CUL2: variants seen among roughly 807,000 people sequenced by gnomAD.
CUL2 encodes the protein cullin 2, also known as cullin-2.
In CUL2, 22 loss-of-function variants were observed where a neutral mutation model predicts 110.2. The ratio of observed to expected loss-of-function variants is 0.20; its 90% confidence interval spans 0.14 to 0.28. The LOEUF is 0.28. CUL2 is among the 10% of genes least tolerant of loss of function. The probability of loss-of-function intolerance (pLI) is 1.00; values close to 1 mark genes in which losing one functional copy is unlikely to be tolerated. For synonymous variants in CUL2, 279 were observed against 293.2 expected, an observed-to-expected ratio of 0.95 and a Z score of 0.49; for missense variants, 631 against 905.5, an observed-to-expected ratio of 0.70 and a Z score of 3.89.
intron 4 of CUL2, among the ~76,000 whole-genome samples, chr10:35,054,815 C>A (rs1047528728): frequency 6.6e-6 from 1 of 152,158 alleles, no homozygotes; most frequent in East Asian, 1.9e-4. Flanking sequence ...ACTTCCCAGA[C>A]TCTTCTTGGG....
rs141945227 is a variant in CUL2, at chr10:35,116,470, G to T, written c.-51+10135C>A. 2.5e-3 allele frequency among the ~76,000 whole-genome samples: 382 copies of T among 152,258 alleles called. 3 individuals are homozygous for T. The highest frequency in any genetic ancestry group is 8.9e-3 in the African/African-American group (370 of 41,532). On this transcript the variant is annotated intron_variant, in intron 1 of 5. Transcript: ENST00000685421. ...TAGTAAGAAATAGATAAGCTGAAAA[G>T]ATCTATATCTATTGTTTCTCTCTGA...
At chr10:35,077,107 T>C (rs2086838965) in intron 1 of CUL2, among the ~76,000 whole-genome samples, 1 of 152,274 alleles carries the variant, frequency 6.6e-6, no homozygotes, top group Non-Finnish European at 1.5e-5. Flanking sequence ...CAAGTGTCTA[T>C]CAACTGATAA....
chr10:35,113,433 G>A (rs1247707132), intron 1 of CUL2, among the ~76,000 whole-genome samples: 1 of 139,816 alleles, frequency 7.2e-6, no homozygotes, highest in Non-Finnish European at 1.5e-5. Context: ...GGGAGGTGGA[G>A]GTTGCAGTGA....
At chr10:35,076,812 G>A (rs987579277) in intron 1 of CUL2, among the ~76,000 whole-genome samples, 1 of 152,100 alleles carries the variant, frequency 6.6e-6, no homozygotes, top group African/African-American at 2.4e-5. Context: ...CACTTCGGGA[G>A]GCCAAGGTGG....
upstream of CUL2, among the ~76,000 whole-genome samples, chr10:35,092,490 T>C (rs2135089336): frequency 6.6e-6 from 1 of 152,364 alleles, no homozygotes; most frequent in South Asian, 2.1e-4. Flanking sequence ...TACAAGTCTT[T>C]CTAATACTCT....
chr10:35,015,311 A>G (rs911156482), intron 18 of CUL2, among the ~76,000 whole-genome samples: 4 of 150,834 alleles, frequency 2.7e-5, no homozygotes, highest in Admixed American at 2.6e-4. Flanking sequence ...AAAAAAAAAA[A>G]TCCATATTTT....
At chr10:35,013,852 AAG>A (rs1469628519) in intron 18 of CUL2, 52 bp from the exon 19 acceptor site, 2 of 1,228,866 alleles carry the variant, frequency 1.6e-6, no homozygotes, top group African/African-American at 1.5e-5. Context: ...ATCTTTAAAT[AAG>A]AGTTTGCTGC....
chr10:35,035,019 CA>C (rs760001219), intron 10 of CUL2, among the ~76,000 whole-genome samples, 152 bp downstream of exon 10: 12 of 152,180 alleles, frequency 7.9e-5, no homozygotes, highest in Non-Finnish European at 1.8e-4. Flanking sequence ...ATGAGTCCAA[CA>C]AATTCTAGGT....
chr10:35,107,067 C>T (rs1589066138), intron 1 of CUL2, among the ~76,000 whole-genome samples: 2 of 152,068 alleles, frequency 1.3e-5, no homozygotes, highest in Non-Finnish European at 2.9e-5. Context: ...CTCCACCTCC[C>T]GGGTTCACAC....
chr10:35,039,504 C>A (rs749358263), intron 8 of CUL2, among the ~76,000 whole-genome samples: 2 of 152,192 alleles, frequency 1.3e-5, no homozygotes, highest in African/African-American at 2.4e-5. Flanking sequence ...ACGTTGGTTT[C>A]TCTTCTTGTA....
intron 1 of CUL2, among the ~76,000 whole-genome samples, chr10:35,119,490 G>T (rs1368889792): frequency 2.0e-5 from 3 of 151,990 alleles, no homozygotes; most frequent in Admixed American, 2.0e-4. Flanking sequence ...AACACACCCA[G>T]ATTTTAAAAC....
intron 4 of CUL2, among the ~76,000 whole-genome samples, chr10:35,055,599 CT>C (rs1179447435): frequency 6.6e-6 from 1 of 152,148 alleles, no homozygotes; most frequent in African/African-American, 2.4e-5. Context: ...AGAAAATTGA[CT>C]CCAAAGTGGT....
At chr10:35,019,606 AC>A (rs2085133102) in intron 17 of CUL2, among the ~76,000 whole-genome samples, 1 of 152,228 alleles carries the variant, frequency 6.6e-6, no homozygotes, top group Non-Finnish European at 1.5e-5. Flanking sequence ...GAGACTAAAA[AC>A]TAAAATAAAA....
At chr10:35,092,143 T>C (rs1004080411), upstream of CUL2, among the ~76,000 whole-genome samples, 8 of 151,892 alleles carry the variant, frequency 5.3e-5, no homozygotes, top group Non-Finnish European at 8.8e-5. Context: ...TTGGTAGACA[T>C]GGGGTCTCAC....
chr10:35,039,826 G>C (rs541388643), intron 8 of CUL2, among the ~76,000 whole-genome samples: 1 of 152,084 alleles, frequency 6.6e-6, no homozygotes, highest in South Asian at 2.1e-4. Flanking sequence ...CTGCACTCCA[G>C]CCTGTGTGAC....
intron 1 of CUL2, chr10:35,120,307 G>A (rs1052910803): frequency 5.3e-5 from 8 of 152,178 alleles, no homozygotes; most frequent in African/African-American, 1.7e-4. Context: ...AGCCTGGGAG[G>A]TGGAGGTTGC....
chr10:35,016,757 T>A (rs2085043281), intron 17 of CUL2, among the ~76,000 whole-genome samples: 1 of 151,754 alleles, frequency 6.6e-6, no homozygotes, highest in Non-Finnish European at 1.5e-5. Context: ...TAAAACCCCA[T>A]CTTTACTAAA....
At chr10:35,038,082 AG>A (rs2085673444) in intron 9 of CUL2, among the ~76,000 whole-genome samples, 1 of 152,042 alleles carries the variant, frequency 6.6e-6, no homozygotes, top group East Asian at 1.9e-4. Context: ...CCTGGGAGGC[AG>A]GGGTTGCAAT....
At chr10:35,117,389 C>T (rs1022512384) in intron 1 of CUL2, among the ~76,000 whole-genome samples, 3 of 152,106 alleles carry the variant, frequency 2.0e-5, no homozygotes, top group African/African-American at 4.8e-5. Flanking sequence ...TGAGTGCCAC[C>T]ATGCCTGGCA....
Sources: allele counts gnomAD v4.1 joint callset (sites outside exome capture counted in the v4.1 genomes callset), GRCh38; gene constraint gnomAD v4.1.1; transcripts MANE v1.5; gene names NCBI Gene and HGNC (gene_info 2026-07-23, HGNC 2026-07-21).